Variants in NCAM2 observed in about 807,000 individuals in gnomAD.
The protein encoded by NCAM2 is neural cell adhesion molecule 2, also known as N-CAM-2.
A neutral mutation model predicts 98.1 loss-of-function variants in NCAM2; 30 were observed. The ratio of observed to expected loss-of-function variants is 0.31; its 90% CI spans 0.23 to 0.41. NCAM2 has a LOEUF of 0.41. NCAM2 is among the 10% of genes least tolerant of loss of function. The pLI is 1.00. For synonymous variants in NCAM2, 368 were observed against 342.4 expected (o/e 1.07, Z -0.83); for missense variants, 867 against 1,005.8 (o/e 0.86, Z 1.87).
chr21:21,503,029 A>G (rs963488623), intron 15 of NCAM2, among the ~76,000 whole-genome samples: 6 of 152,016 alleles, frequency 3.9e-5, no homozygotes, highest in African/African-American at 1.4e-4. Context: ...ATTATCAAAT[A>G]TAATACATTT....
chr21:21,488,713 A>G (rs540179960), intron 15 of NCAM2, among the ~76,000 whole-genome samples: 5 of 151,900 alleles, frequency 3.3e-5, no homozygotes, highest in South Asian at 2.1e-4. Flanking sequence ...AAAGGTTTAA[A>G]TTTGATATTA....
At chr21:21,134,934 G>T (rs576314891) in intron 1 of NCAM2, among the ~76,000 whole-genome samples, 1 of 151,952 alleles carries the variant, frequency 6.6e-6, no homozygotes, top group Admixed American at 6.6e-5. Flanking sequence ...TATCCAGACT[G>T]GTTTAAAACT....
At chr21:21,510,803 C>A (rs146934233) in intron 16 of NCAM2, among the ~76,000 whole-genome samples, 13 of 152,040 alleles carry the variant, frequency 8.6e-5, no homozygotes, top group African/African-American at 2.9e-4. Flanking sequence ...GTATAATATT[C>A]TAAAAGGCTT....
chr21:21,508,513 A>G (rs1184375837), intron 15 of NCAM2, among the ~76,000 whole-genome samples: 1 of 152,016 alleles, frequency 6.6e-6, no homozygotes, highest in Non-Finnish European at 1.5e-5. Flanking sequence ...GGATATGATA[A>G]TATTCATTAT....
chr21:21,513,365 G>C (rs1988512336), intron 16 of NCAM2, among the ~76,000 whole-genome samples: 1 of 152,044 alleles, frequency 6.6e-6, no homozygotes, highest in African/African-American at 2.4e-5. Flanking sequence ...TACTTTTGCA[G>C]TATCCAATAG....
chr21:21,250,018 C>T (rs1568832905), intron 1 of NCAM2, among the ~76,000 whole-genome samples: 2 of 152,144 alleles, frequency 1.3e-5, no homozygotes, highest in Non-Finnish European at 2.9e-5. Context: ...CTCTTTTGTG[C>T]TGTTTGAAAA....
chr21:21,011,508 G>A (rs182499335), intron 1 of NCAM2, among the ~76,000 whole-genome samples: 8 of 151,942 alleles, frequency 5.3e-5, no homozygotes, highest in Admixed American at 3.3e-4. Flanking sequence ...ATTTTTTGAC[G>A]TACGTATGTA....
chr21:21,274,746 T>C (rs1054756113), intron 1 of NCAM2, among the ~76,000 whole-genome samples: 4 of 152,134 alleles, frequency 2.6e-5, no homozygotes, highest in Non-Finnish European at 5.9e-5. Flanking sequence ...AAAGTGCTTG[T>C]TGAAAAATGT....
intron 1 of NCAM2, among the ~76,000 whole-genome samples, chr21:21,249,868 G>A (rs759933867): frequency 2.6e-5 from 4 of 151,978 alleles, no homozygotes; most frequent in Non-Finnish European, 5.9e-5. Context: ...ATTAGACTGC[G>A]GTAAAATATG....
At chr21:21,498,474 T>G (rs935696273) in intron 15 of NCAM2, among the ~76,000 whole-genome samples, 3 of 152,176 alleles carry the variant, frequency 2.0e-5, no homozygotes, top group African/African-American at 7.2e-5. Flanking sequence ...CATACAGCTC[T>G]CATTCAATTA....
intron 1 of NCAM2, among the ~76,000 whole-genome samples, chr21:21,187,706 A>C (rs1338414242): frequency 1.3e-5 from 2 of 152,264 alleles, no homozygotes; most frequent in East Asian, 3.9e-4. Flanking sequence ...TTAAAACTTT[A>C]TTTCTTCCTG....
In NCAM2 at chr21:21,109,184, A is replaced by G. The variant is rs2066407062; in HGVS notation, c.55+110566A>G. On this transcript the variant is annotated intron_variant, in intron 1 of 17. Coordinates refer to ENST00000400546, the MANE Select transcript of NCAM2 (RefSeq NM_004540.5). ...ATCTTGGCTTTAAAATGCCTTTGTA[A>G]AGATAAGCCAGTTGTAAGGTGTGAT... Among the ~76,000 whole-genome samples, 3 of 152,106 alleles carry G rather than the reference A, an allele frequency of 2.0e-5. No individual in the cohort carries two copies. The South Asian group carries it at 6.2e-4, about 31-fold the overall frequency.
intron 15 of NCAM2, among the ~76,000 whole-genome samples, chr21:21,496,937 G>T (rs1285281008): frequency 6.6e-6 from 1 of 151,876 alleles, no homozygotes; most frequent in African/African-American, 2.4e-5. Flanking sequence ...TGGGTTTTCT[G>T]TTCTGTCTAA....
At chr21:21,479,127 A>G (rs539789548) in intron 15 of NCAM2, among the ~76,000 whole-genome samples, 7 of 151,378 alleles carry the variant, frequency 4.6e-5, no homozygotes, top group African/African-American at 1.7e-4. Context: ...ATATATTTTG[A>G]AACATAATGA....
At chr21:21,202,408 CTT>C (rs11385750) in intron 1 of NCAM2, among the ~76,000 whole-genome samples, 4 of 80,220 alleles carry the variant, frequency 5.0e-5, no homozygotes, top group African/African-American at 2.0e-4. Flanking sequence ...AGCAAATATC[CTT>C]TTTTTTTTTT....
intron 1 of NCAM2, among the ~76,000 whole-genome samples, chr21:21,137,019 C>A (rs2067070626): frequency 6.6e-6 from 1 of 151,608 alleles, no homozygotes; most frequent in African/African-American, 2.4e-5. Flanking sequence ...TTTCTGGTTA[C>A]AATTTTTAGT....
chr21:21,028,544 C>T (rs1256309196), intron 1 of NCAM2, among the ~76,000 whole-genome samples: 2 of 152,160 alleles, frequency 1.3e-5, no homozygotes, highest in South Asian at 2.1e-4. Context: ...AGCATCTCTT[C>T]GTTATTGCCA....
intron 1 of NCAM2, among the ~76,000 whole-genome samples, chr21:21,074,321 A>G (rs1028126227): frequency 9.9e-5 from 15 of 152,036 alleles, no homozygotes; most frequent in African/African-American, 3.6e-4. Flanking sequence ...TTTATTTTAC[A>G]TTAATTTACA....
At chr21:21,526,278 A>G (rs1569139152) in intron 16 of NCAM2, among the ~76,000 whole-genome samples, 1 of 152,130 alleles carries the variant, frequency 6.6e-6, no homozygotes, top group Non-Finnish European at 1.5e-5. Flanking sequence ...AGGTTGCAGG[A>G]TAAAAGATTA....
Sources: gnomAD v4.1 joint callset for allele counts (sites outside exome capture counted in the v4.1 genomes callset) on GRCh38, gnomAD v4.1.1 for gene constraint, MANE v1.5 for transcripts, NCBI Gene and HGNC (gene_info 2026-07-23, HGNC 2026-07-21) for gene names.